Variants in PPP3R1 observed in about 807,000 individuals in gnomAD.
PPP3R1 encodes calcineurin subunit B type 1.
A neutral mutation model predicts 22.6 loss-of-function variants in PPP3R1; 5 were observed. That is an observed-to-expected ratio of 0.22 (90% CI 0.12 to 0.46). PPP3R1 has a LOEUF of 0.46. Among genes scored for constraint, PPP3R1 ranks in the 20% least tolerant of loss-of-function variants. The pLI is 0.99. For synonymous variants in PPP3R1, 56 were observed against 65.2 expected, an observed-to-expected ratio of 0.86 and a Z score of 0.68; for missense variants, 61 against 203.2, an observed-to-expected ratio of 0.30 and a Z score of 4.25.
intron 1 of PPP3R1, among the ~76,000 whole-genome samples, chr2:68,243,949 G>A (rs1410701172): frequency 1.3e-5 from 2 of 152,034 alleles, no homozygotes; most frequent in African/African-American, 2.4e-5. Flanking sequence ...ACTCTTCGAA[G>A]AATATATAAA....
intron 2 of PPP3R1, among the ~76,000 whole-genome samples, chr2:68,190,077 T>C (rs1237375014): frequency 2.0e-5 from 3 of 150,700 alleles, no homozygotes; most frequent in South Asian, 2.1e-4. Context: ...ATATAAATTA[T>C]ATTAAAATAG....
At chr2:68,237,212 A>G (rs1255488357) in intron 1 of PPP3R1, among the ~76,000 whole-genome samples, 2 of 152,144 alleles carry the variant, frequency 1.3e-5, no homozygotes, top group Non-Finnish European at 2.9e-5. Flanking sequence ...TGAAACCTAG[A>G]CCTGCCAAGA....
intron 2 of PPP3R1, among the ~76,000 whole-genome samples, chr2:68,215,214 T>C (rs1022418261): frequency 6.6e-6 from 1 of 152,014 alleles, no homozygotes; most frequent in Non-Finnish European, 1.5e-5. Context: ...AAATGATCTG[T>C]GTACCAAAGC....
intron 1 of PPP3R1, among the ~76,000 whole-genome samples, chr2:68,230,458 T>C (rs1669875044): frequency 6.9e-6 from 1 of 144,398 alleles, no homozygotes; most frequent in Admixed American, 6.9e-5. Context: ...ATCATCATTT[T>C]ACCCTCTCCC....
chr2:68,226,014 C>T (rs1230888859), intron 1 of PPP3R1, among the ~76,000 whole-genome samples: 2 of 152,132 alleles, frequency 1.3e-5, no homozygotes, highest in African/African-American at 4.8e-5. Context: ...TAGGAAAAGA[C>T]TACTAATACA....
chr2:68,195,899 T>C (rs1674756212), intron 2 of PPP3R1, among the ~76,000 whole-genome samples: 1 of 152,090 alleles, frequency 6.6e-6, no homozygotes, highest in Non-Finnish European at 1.5e-5. Flanking sequence ...TTTTTTTTTT[T>C]TTAAGTACTT....
At chr2:68,228,520 G>A (rs9653503) in intron 1 of PPP3R1, among the ~76,000 whole-genome samples, 15 of 152,228 alleles carry the variant, frequency 9.9e-5, no homozygotes, top group African/African-American at 3.6e-4. Context: ...AGGGTCTACA[G>A]TGATGTCCCC....
At chr2:68,239,447 G>A (rs1670077119) in intron 1 of PPP3R1, among the ~76,000 whole-genome samples, 1 of 152,132 alleles carries the variant, frequency 6.6e-6, no homozygotes, top group Non-Finnish European at 1.5e-5. Flanking sequence ...AAAGTGCATG[G>A]ATAGACACTG....
At chr2:68,216,276 C>T (rs1347726334) in intron 2 of PPP3R1, among the ~76,000 whole-genome samples, 1 of 151,984 alleles carries the variant, frequency 6.6e-6, no homozygotes, top group Non-Finnish European at 1.5e-5. Context: ...AAACATTAAG[C>T]TTCTATCAAA....
chr2:68,187,454 G>C (rs762994840), intron 3 of PPP3R1, 140 bp from the exon 4 acceptor site: 3 of 700,948 alleles, frequency 4.3e-6, no homozygotes, highest in Non-Finnish European at 6.9e-6. Context: ...AAATAAAATT[G>C]CCAAATTTGA....
At chr2:68,245,883 TTTTCTCC>T (rs1670226525) in intron 1 of PPP3R1, among the ~76,000 whole-genome samples, 1 of 152,100 alleles carries the variant, frequency 6.6e-6, no homozygotes, top group Non-Finnish European at 1.5e-5. Context: ...GTTTTCATCT[TTTTCTCC>T]TTCTCTTTCA....
At chr2:68,197,993 T>A (rs1298835535) in intron 2 of PPP3R1, among the ~76,000 whole-genome samples, 1 of 136,604 alleles carries the variant, frequency 7.3e-6, no homozygotes, top group Non-Finnish European at 1.5e-5. Context: ...AGAAAAATAA[T>A]GACTTTTTAT....
chr2:68,219,048 TC>T (rs1669634038), intron 1 of PPP3R1, among the ~76,000 whole-genome samples: 1 of 152,226 alleles, frequency 6.6e-6, no homozygotes, highest in South Asian at 2.1e-4. Flanking sequence ...CCACAATCTG[TC>T]CCAAACTGAC....
intron 1 of PPP3R1, among the ~76,000 whole-genome samples, chr2:68,247,941 C>G (rs1427031028): frequency 6.6e-6 from 1 of 152,100 alleles, no homozygotes; most frequent in East Asian, 1.9e-4. Flanking sequence ...TCCACCCGGC[C>G]ATCAGAATGG....
At chr2:68,190,639 T>C (rs929658227) in intron 2 of PPP3R1, among the ~76,000 whole-genome samples, 15 of 152,252 alleles carry the variant, frequency 9.9e-5, no homozygotes, top group Middle Eastern at 6.8e-3. Context: ...TGCTTTCCTT[T>C]AGAGAAAACA....
chr2:68,197,791 T>C (rs962584163), intron 2 of PPP3R1, among the ~76,000 whole-genome samples: 4 of 151,990 alleles, frequency 2.6e-5, no homozygotes, highest in African/African-American at 9.7e-5. Flanking sequence ...ATAGGTGTAT[T>C]TTTAAAACCA....
intron 2 of PPP3R1, among the ~76,000 whole-genome samples, chr2:68,194,556 T>C (rs558269619): frequency 1.3e-5 from 2 of 152,208 alleles, no homozygotes; most frequent in South Asian, 2.1e-4. Context: ...CCCTTATATA[T>C]TTCTCTCATT....
chr2:68,181,007 C>T lies in PPP3R1; in HGVS notation c.469G>A (p.Val157Ile). The T allele has an allele frequency of 6.2e-7, 1 of 1,612,892 alleles. No individual in the cohort carries two copies. Among genetic ancestry groups the T allele is most frequent in the Non-Finnish European group, 8.5e-7 (1 of 1,178,918 alleles). The part of the protein sequence containing the change: ...RISFEEFCAV[V>I]GGLDIHKKMV... Reference sequence around the variant, plus strand: ...TTTTTGTGGATATCTAGGCCACCTACAACCTGCAACAGACAGGAACAAATC... The same window carrying T: ...TTTTTGTGGATATCTAGGCCACCTATAACCTGCAACAGACAGGAACAAATC... The change falls in exon 6 of 6, where the codon GTA becomes ATA. Residue 157 changes from valine (V) to isoleucine (I), a missense_variant. Physicochemically the swap from Val to Ile is conservative, Grantham distance 29. Coordinates refer to ENST00000234310, the MANE Select transcript of PPP3R1 (RefSeq NM_000945.4).
In PPP3R1 at chr2:68,190,403, A is replaced by G. The variant is rs1300547218; in HGVS notation, c.44-1713T>C. On this transcript the variant is annotated intron_variant, in intron 2 of 5. Transcript: ENST00000234310. ...AACGTGGTGAAACCTCGTCTCCACT[A>G]AAAATACAAAAATTAGCCGGGAGTG... Among the ~76,000 whole-genome samples the G allele has an allele frequency of 2.0e-5, 3 of 152,050 alleles. No homozygotes were observed. The East Asian group carries it at 5.8e-4, about 29-fold the overall frequency.
Sources: allele counts gnomAD v4.1 joint callset (sites outside exome capture counted in the v4.1 genomes callset), GRCh38; gene constraint gnomAD v4.1.1; transcripts MANE v1.5; gene names NCBI Gene and HGNC (gene_info 2026-07-23, HGNC 2026-07-21).